TTC39A: variants seen among roughly 807,000 people sequenced by gnomAD.
TTC39A encodes the protein tetratricopeptide repeat protein 39A.
In TTC39A, 46 loss-of-function variants were observed where a neutral mutation model predicts 82.3. The ratio of observed to expected loss-of-function variants is 0.56; its 90% CI spans 0.44 to 0.71. The LOEUF (loss-of-function observed/expected upper bound fraction) is 0.71, where lower values mean the gene tolerates loss of function less well. TTC39A is among the 30% of genes least tolerant of loss of function. TTC39A has a pLI of 0.00. For synonymous variants in TTC39A, 254 were observed against 275.2 expected (o/e 0.92, Z 0.76); for missense variants, 543 against 712.9 (o/e 0.76, Z 2.71).
chr1:51,329,040 A>T (rs1187854039), intron 1 of TTC39A, among the ~76,000 whole-genome samples: 1 of 152,184 alleles, frequency 6.6e-6, no homozygotes. Flanking sequence ...GGTTCTGCAT[A>T]AGGAAGACCC....
At chr1:51,324,022 T>C (rs72906173) in intron 1 of TTC39A, among the ~76,000 whole-genome samples, 1 of 152,130 alleles carries the variant, frequency 6.6e-6, no homozygotes, top group South Asian at 2.1e-4. Flanking sequence ...ATTTACTCTG[T>C]CCAGGTTCCC....
At chr1:51,337,667 T>C (rs147133227) in intron 1 of TTC39A, among the ~76,000 whole-genome samples, 1 of 152,080 alleles carries the variant, frequency 6.6e-6, no homozygotes, top group Non-Finnish European at 1.5e-5. Context: ...CCTCAGATGA[T>C]CTGCCCGCCT....
chr1:51,303,079 C>A lies in TTC39A; in HGVS notation c.763+5G>T, dbSNP rs1468899846. ...CCAGGGCCCCAGGTCCCCCTGTACA[C>A]CTACCGAGCACGAAGGTGAGGAAGG... On this transcript the variant is annotated splice_donor_5th_base_variant and intron_variant, in intron 9 of 17. Coordinates refer to ENST00000680483, the MANE Select transcript of TTC39A (RefSeq NM_001297663.2). 6.3e-7 allele frequency: 1 copy of A among 1,584,510 alleles called. No homozygotes were observed. The highest frequency in any genetic ancestry group is 1.8e-5 in the Admixed American group (1 of 55,350).
chr1:51,309,801 C>T (rs1022402872), intron 5 of TTC39A, among the ~76,000 whole-genome samples: 17 of 152,022 alleles, frequency 1.1e-4, no homozygotes, highest in African/African-American at 3.9e-4. Flanking sequence ...AGAAACAGCC[C>T]AAATGGCCAC....
chr1:51,330,989 G>A (rs1167234719), upstream of TTC39A: 6 of 667,946 alleles, frequency 9.0e-6, no homozygotes, highest in Middle Eastern at 7.8e-4. This position sits in a 1 kb window ranked among gnomAD's most constrained non-coding sequence, Gnocchi z 4.5. Context: ...CCACCATCTC[G>A]CCCACTGAGT....
upstream of TTC39A, among the ~76,000 whole-genome samples, chr1:51,335,702 C>T (rs1645966457): frequency 6.6e-6 from 1 of 152,142 alleles, no homozygotes; most frequent in African/African-American, 2.4e-5. Flanking sequence ...AGCCGTAGCT[C>T]GAACCCAGGT....
At chr1:51,331,057 A>C, upstream of TTC39A, 1 of 895,724 alleles carries the variant, frequency 1.1e-6, no homozygotes, top group Non-Finnish European at 1.8e-6. Flanking sequence ...GCTAGCTGGC[A>C]GTTCACACTG....
chr1:51,306,400 T>C (rs1644868908), intron 6 of TTC39A, among the ~76,000 whole-genome samples: 3 of 152,178 alleles, frequency 2.0e-5, no homozygotes, highest in Admixed American at 2.0e-4. Flanking sequence ...TAATTCTTTG[T>C]TGGTGGGGGT....
intron 1 of TTC39A, among the ~76,000 whole-genome samples, chr1:51,340,343 G>A (rs568718746): frequency 8.5e-5 from 13 of 152,262 alleles, no homozygotes; most frequent in East Asian, 1.9e-4. Flanking sequence ...CACAGGCCCC[G>A]AGAGGGTCCA....
chr1:51,294,950 G>A lies in TTC39A; in HGVS notation c.1146-439C>T, dbSNP rs746949264. Among the ~76,000 whole-genome samples the A allele has an allele frequency of 2.4e-4, 36 of 152,196 alleles. No homozygotes were observed. Among genetic ancestry groups the A allele is most frequent in the Non-Finnish European group, 4.1e-4 (28 of 68,046 alleles). Reference sequence around the variant, plus strand: ...AACCCTTAATTAACTCTTGCCTCGCGAGTTCTGGCCTTCTCAGCTGTTTCC... The same window carrying A: ...AACCCTTAATTAACTCTTGCCTCGCAAGTTCTGGCCTTCTCAGCTGTTTCC... On this transcript the variant is annotated intron_variant, in intron 13 of 17. Coordinates refer to ENST00000680483, the MANE Select transcript of TTC39A (RefSeq NM_001297663.2). This position sits in a 1 kb window ranked among gnomAD's most constrained non-coding sequence, Gnocchi z 4.3.
Position 51,321,872 on chromosome 1 carries a change from C to A in TTC39A, c.42-47G>T. ...ATGACACAGGGGCCCTCCAACCCTC[C>A]AGCCTCTCCTGGCTGGAACAGAGCC... On this transcript the variant is annotated intron_variant, in intron 1 of 17. Transcript: ENST00000680483. The surrounding 1 kb of genome is among the most constrained non-coding windows in gnomAD (Gnocchi z 4.6). The A allele has an allele frequency of 6.4e-7, 1 of 1,554,066 alleles. No homozygotes were observed. Among genetic ancestry groups the A allele is most frequent in the African/African-American group, 1.4e-5 (1 of 73,736 alleles).
intron 13 of TTC39A, chr1:51,295,848 T>C: frequency 1.7e-6 from 1 of 589,572 alleles, no homozygotes. Context: ...ACCATTTCTG[T>C]GAAAGAAAGC....
In TTC39A at chr1:51,303,209, GT is replaced by G; in HGVS notation, c.655-18del. ...CCCATAGTCCTGAGGGGATGGGAGG[GT>G]GGGTGAGGCTCCCAGAGAGGGCAGG... On this transcript the variant is annotated intron_variant, in intron 8 of 17. Coordinates refer to ENST00000680483, the MANE Select transcript of TTC39A (RefSeq NM_001297663.2). The G allele has an allele frequency of 7.0e-7, 1 of 1,432,826 alleles. No homozygotes were observed. Among genetic ancestry groups the G allele is most frequent in the Non-Finnish European group, 9.6e-7 (1 of 1,039,022 alleles). 88.8% of individuals were successfully genotyped at this position (1,432,826 alleles called of 1,614,324 possible).
At chr1:51,314,937 C>T (rs1050650081) in intron 2 of TTC39A, among the ~76,000 whole-genome samples, 5 of 152,338 alleles carry the variant, frequency 3.3e-5, no homozygotes, top group South Asian at 2.1e-4. Context: ...TGAGTCCCTC[C>T]GTGTCCTGCG....
At chr1:51,315,756 T>C (rs1252539555) in intron 2 of TTC39A, among the ~76,000 whole-genome samples, 1 of 152,218 alleles carries the variant, frequency 6.6e-6, no homozygotes, top group Non-Finnish European at 1.5e-5. Flanking sequence ...CCTCATTCAC[T>C]ACTGAGCCTT....
At position 51,302,558 on chromosome 1, in the gene TTC39A, T is replaced by C. The variant is rs748090089; in HGVS notation, c.779A>G (p.Asn260Ser). 4 of 1,605,188 alleles carry C rather than the reference T, an allele frequency of 2.5e-6. No individual in the cohort carries two copies. Among genetic ancestry groups the C allele is most frequent in the South Asian group, 1.1e-5 (1 of 89,084 alleles). The change falls in exon 10 of 18, where the codon AAC (asparagine) becomes AGC (serine). Residue 260 changes from asparagine to serine, a missense_variant. By Grantham distance (46) the Asn-to-Ser change is conservative (BLOSUM62 1). Coordinates refer to ENST00000680483, the MANE Select transcript of TTC39A (RefSeq NM_001297663.2). ...CAAGAGCTTCTCGGCCTCCTCGATG[T>C]TGACGTTCCCAGTACCTGGAGGAGA... ...LTFVLGTGNV[N>S]IEEAEKLLKP...
chr1:51,332,158 C>T (rs1052068417), upstream of TTC39A, among the ~76,000 whole-genome samples: 5 of 152,188 alleles, frequency 3.3e-5, no homozygotes, highest in Admixed American at 6.5e-5. Context: ...GGGGAGGCCG[C>T]TGTTCAAAAA....
In TTC39A at chr1:51,321,228, A is replaced by T. The variant is rs1385494767; in HGVS notation, c.146+493T>A. Among the ~76,000 whole-genome samples, 5 of 152,232 alleles carry T rather than the reference A, an allele frequency of 3.3e-5. No individual in the cohort carries two copies. The highest frequency in any genetic ancestry group is 7.3e-5 in the Non-Finnish European group (5 of 68,044). On this transcript the variant is annotated intron_variant, in intron 2 of 17. Coordinates refer to ENST00000680483, the MANE Select transcript of TTC39A (RefSeq NM_001297663.2). The surrounding 1 kb of genome is among the most constrained non-coding windows in gnomAD (Gnocchi z 4.6). ...GTGAGTTTTACGGTATCTGAATTAC[A>T]TCTCAATTTTTAAAACTGAGAAAAA...
Position 51,321,958 on chromosome 1 carries a change from C to T in TTC39A, c.42-133G>A. ...GGTGCCTGTCACGAGCTCCTCCAGG[C>T]TGCCACTCTGTACTGGGACGCAGGG... On this transcript the variant is annotated intron_variant, in intron 1 of 17. Coordinates refer to ENST00000680483, the MANE Select transcript of TTC39A (RefSeq NM_001297663.2). This position sits in a 1 kb window ranked among gnomAD's most constrained non-coding sequence, Gnocchi z 4.6. 7.6e-7 allele frequency: 1 copy of T among 1,320,342 alleles called. No homozygotes were observed. The highest frequency in any genetic ancestry group is 1.0e-6 in the Non-Finnish European group (1 of 952,398). The allele number at this position is 1,320,342 out of a possible 1,614,324, so 81.8% of individuals were successfully genotyped here.
Sources: allele counts gnomAD v4.1 joint callset (sites outside exome capture counted in the v4.1 genomes callset), GRCh38; gene constraint gnomAD v4.1.1; non-coding constraint Gnocchi (gnomAD v3.1); transcripts MANE v1.5; gene names NCBI Gene and HGNC (gene_info 2026-07-23, HGNC 2026-07-21).